RNASEH2B: variants seen among roughly 807,000 people sequenced by gnomAD.
RNASEH2B encodes the protein Aicardi-Goutieres syndrome 2 protein.
Under a neutral mutation model 45.0 loss-of-function variants are expected in RNASEH2B, and 36 were observed. The observed-to-expected ratio is 0.80, with a 90% CI of 0.61 to 1.06. RNASEH2B has a LOEUF of 1.06. RNASEH2B is among the 50% of genes least tolerant of loss of function. The pLI, the probability that RNASEH2B is intolerant of heterozygous loss-of-function variation, is 0.00. For synonymous variants in RNASEH2B, 119 were observed against 125.7 expected (o/e 0.95, Z 0.35); for missense variants, 361 against 360.3 (o/e 1.00, Z -0.02).
intron 9 of RNASEH2B, chr13:50,950,723 T>C (rs1411952716): frequency 6.6e-6 from 1 of 152,242 alleles, no homozygotes; most frequent in Non-Finnish European, 1.5e-5. Flanking sequence ...AACTTAGAGA[T>C]CATTCATGAA....
At chr13:50,919,203 G>A (rs1951485717) in intron 1 of RNASEH2B, among the ~76,000 whole-genome samples, 1 of 152,192 alleles carries the variant, frequency 6.6e-6, no homozygotes, top group South Asian at 2.1e-4. Flanking sequence ...TGCCAAGTTT[G>A]AAAAACCTGC....
At chr13:50,949,537 G>A (rs1951950741) in intron 9 of RNASEH2B, 32 bp downstream of exon 9, 1 of 1,596,628 alleles carries the variant, frequency 6.3e-7, no homozygotes, top group East Asian at 2.2e-5. Flanking sequence ...ATCTTTGGGG[G>A]ACTTAGAAAA....
At chr13:50,932,532 C>T (rs1436295134) in intron 4 of RNASEH2B, among the ~76,000 whole-genome samples, 2 of 152,148 alleles carry the variant, frequency 1.3e-5, no homozygotes, top group East Asian at 3.9e-4. Flanking sequence ...TGCTAAAGAG[C>T]CAGCAGTTTT....
intron 5 of RNASEH2B, chr13:50,943,112 C>A: frequency 1.3e-5 from 6 of 449,380 alleles, no homozygotes; most frequent in Middle Eastern, 6.4e-4. Flanking sequence ...TAAATTCTTA[C>A]TCATTTAGTG....
intron 8 of RNASEH2B, chr13:50,948,373 T>A (rs1271859744): frequency 7.9e-6 from 2 of 251,990 alleles, no homozygotes; most frequent in Non-Finnish European, 1.5e-5. Flanking sequence ...TTCTTTGTGA[T>A]CGTTTTAAGA....
chr13:50,961,349 C>T (rs1031904881), downstream of RNASEH2B, among the ~76,000 whole-genome samples: 13 of 152,174 alleles, frequency 8.5e-5, no homozygotes, highest in African/African-American at 2.9e-4. Context: ...AAGAACTTTC[C>T]CTTTTCCTTG....
chr13:50,954,038 C>A, intron 10 of RNASEH2B, 53 bp downstream of exon 10: 2 of 1,052,750 alleles, frequency 1.9e-6, no homozygotes, highest in Non-Finnish European at 3.0e-6. Context: ...GCGTGATGTG[C>A]ATGAATACAT....
intron 5 of RNASEH2B, chr13:50,942,261 A>G (rs1207979301): frequency 6.6e-6 from 1 of 152,248 alleles, no homozygotes; most frequent in Admixed American, 6.5e-5. Context: ...GTCATGGTAT[A>G]TAAGGCTGGG....
In RNASEH2B at chr13:50,929,580, C is replaced by G; in HGVS notation, c.242C>G (p.Ser81Ter). The change falls in exon 3 of 11, where the codon TCA becomes TGA. Residue 81 changes from serine (S) to a stop codon, truncating the protein, a stop_gained and splice_region_variant. Coordinates refer to ENST00000336617, the MANE Select transcript of RNASEH2B (RefSeq NM_024570.4). LOFTEE classifies it high-confidence loss of function. ...HSWFINQSVQ[S>*]GGLLHFATPV... ...TGGTTTATAAATCAATCAGTTCAAT[C>G]AGGTAGGTGACTAGTGTAAGCATTT... 1 of 1,572,922 alleles carries G rather than the reference C, an allele frequency of 6.4e-7. No individual in the cohort carries two copies. The highest frequency in any genetic ancestry group is 8.8e-7 in the Non-Finnish European group (1 of 1,142,580).
intron 5 of RNASEH2B, 93 bp from the exon 6 acceptor site, chr13:50,943,228 A>T (rs1667892439): frequency 1.3e-6 from 1 of 776,604 alleles, no homozygotes. Context: ...AAACTTACAA[A>T]ATATTCTTTA....
intron 1 of RNASEH2B, chr13:50,910,775 A>C (rs1184284497): frequency 6.6e-6 from 1 of 152,252 alleles, no homozygotes; most frequent in Non-Finnish European, 1.5e-5. Context: ...AGTGCCACAC[A>C]AGGAAGGACC....
At chr13:50,949,549 T>A in intron 9 of RNASEH2B, 44 bp downstream of exon 9, 1 of 1,534,378 alleles carries the variant, frequency 6.5e-7, no homozygotes, top group Non-Finnish European at 9.0e-7. Flanking sequence ...CTTAGAAAAA[T>A]ATTACACTCT....
intron 4 of RNASEH2B, 69 bp from the exon 5 acceptor site, chr13:50,934,816 C>A: frequency 9.0e-7 from 1 of 1,108,364 alleles, no homozygotes; most frequent in Non-Finnish European, 1.3e-6. Context: ...GTTAATGTGT[C>A]TTTTTCTCTT....
At chr13:50,969,356 G>T (rs1952196536) in intron 9 of RNASEH2B, among the ~76,000 whole-genome samples, 1 of 151,304 alleles carries the variant, frequency 6.6e-6, no homozygotes, top group South Asian at 2.1e-4. Flanking sequence ...TTTTAACTTT[G>T]CACTCAATAA....
chr13:50,939,867 T>C (rs1881021269), intron 5 of RNASEH2B, among the ~76,000 whole-genome samples: 1 of 152,184 alleles, frequency 6.6e-6, no homozygotes. Context: ...GGCAAAGATT[T>C]CTTAGGACAC....
chr13:50,958,162 G>A (rs1952074581), downstream of RNASEH2B, among the ~76,000 whole-genome samples: 1 of 152,128 alleles, frequency 6.6e-6, no homozygotes, highest in Admixed American at 6.5e-5. Context: ...TAAATTGTTT[G>A]CCAAGGCTGA....
chr13:50,930,779 C>A lies in RNASEH2B; in HGVS notation c.321+20C>A. 6.4e-7 allele frequency: 1 copy of A among 1,565,948 alleles called. No homozygotes were observed. The highest frequency in any genetic ancestry group is 8.8e-7 in the Non-Finnish European group (1 of 1,136,138). ...AAGGAGGTGAGTTTCCAGCTCGGAG[C>A]ATCCACAGTGAGGAAACAGAATCAA... On this transcript the variant is annotated intron_variant, in intron 4 of 10. Coordinates refer to ENST00000336617, the MANE Select transcript of RNASEH2B (RefSeq NM_024570.4).
intron 3 of RNASEH2B, among the ~76,000 whole-genome samples, chr13:50,930,372 C>T (rs1180327120): frequency 6.6e-6 from 1 of 152,158 alleles, no homozygotes; most frequent in Non-Finnish European, 1.5e-5. Flanking sequence ...CCTAACCCCT[C>T]GTTTTTCAGG....
exon 10 of RNASEH2B, chr13:50,970,416 AT>A (rs1566096084): frequency 3.6e-6 from 1 of 280,196 alleles, no homozygotes; most frequent in African/African-American, 2.2e-5. Flanking sequence ...AAACGTTGGC[AT>A]TTTATCTCTC....
Sources: allele counts gnomAD v4.1 joint callset (sites outside exome capture counted in the v4.1 genomes callset), GRCh38; gene constraint gnomAD v4.1.1; transcripts MANE v1.5; gene names NCBI Gene and HGNC (gene_info 2026-07-23, HGNC 2026-07-21).